The following TNR variants were observed in gnomAD, a reference collection of about 807,000 sequenced individuals.
TNR encodes tenascin-R.
Under a neutral mutation model 150.4 loss-of-function variants are expected in TNR, and 45 were observed. The observed-to-expected ratio is 0.30, with a 90% confidence interval of 0.24 to 0.38. The LOEUF (loss-of-function observed/expected upper bound fraction) is 0.38. Among genes scored for constraint, TNR ranks in the 10% least tolerant of loss-of-function variants. The probability of loss-of-function intolerance (pLI) is 1.00; values close to 1 mark genes in which losing one functional copy is unlikely to be tolerated. For missense variants in TNR, 1,544 were observed against 1,759.1 expected (o/e 0.88, Z 2.19); for synonymous variants, 687 against 678.4 (o/e 1.01, Z -0.20).
chr1:175,567,187 G>A (rs930234977), intron 1 of TNR, among the ~76,000 whole-genome samples: 2 of 152,060 alleles, frequency 1.3e-5, no homozygotes, highest in East Asian at 1.9e-4. Context: ...GTATAATTAC[G>A]TTTAATTTTG....
chr1:175,696,046 A>T (rs911295952), intron 1 of TNR, among the ~76,000 whole-genome samples: 3 of 151,918 alleles, frequency 2.0e-5, no homozygotes, highest in Admixed American at 1.3e-4. Context: ...ATATGTGCAT[A>T]GGAGCAAGTC....
At position 175,330,054 on chromosome 1, in the gene TNR, T is replaced by C. The variant is rs1395634029; in HGVS notation, c.3793+20A>G. On this transcript the variant is annotated intron_variant, in intron 21 of 22. Coordinates refer to ENST00000367674, the MANE Select transcript of TNR (RefSeq NM_003285.3). ...TCCCATGCCCACTGTCCTTGGGGTCTGCTCAGGAGCCATAGGTACCCGCAG... is the reference window on the plus strand; with the variant it reads ...TCCCATGCCCACTGTCCTTGGGGTCCGCTCAGGAGCCATAGGTACCCGCAG... 2.0e-6 allele frequency: 3 copies of C among 1,533,642 alleles called. No individual in the cohort carries two copies. Among genetic ancestry groups the C allele is most frequent in the Non-Finnish European group, 2.7e-6 (3 of 1,128,484 alleles).
intron 1 of TNR, among the ~76,000 whole-genome samples, chr1:175,649,566 A>G (rs1357381361): frequency 6.6e-6 from 1 of 152,110 alleles, no homozygotes; most frequent in Non-Finnish European, 1.5e-5. Context: ...AGAGCCCGGC[A>G]CACAGAATGG....
At chr1:175,533,185 C>T (rs904052613) in intron 1 of TNR, among the ~76,000 whole-genome samples, 8 of 152,172 alleles carry the variant, frequency 5.3e-5, no homozygotes, top group African/African-American at 1.4e-4. Context: ...TCCTACCAGC[C>T]ACAGACTTGG....
intron 2 of TNR, among the ~76,000 whole-genome samples, chr1:175,434,018 A>C (rs1054241275): frequency 6.6e-6 from 1 of 152,114 alleles, no homozygotes; most frequent in Non-Finnish European, 1.5e-5. Context: ...CAGTTGTGTG[A>C]GGCCCCATGA....
intron 5 of TNR, among the ~76,000 whole-genome samples, chr1:175,395,861 AC>A (rs1334590933): frequency 9.2e-5 from 14 of 152,212 alleles, no homozygotes; most frequent in Non-Finnish European, 1.9e-4. Flanking sequence ...AAATATAGGT[AC>A]ACACCCACAG....
intron 2 of TNR, among the ~76,000 whole-genome samples, chr1:175,455,302 C>A (rs1345013394): frequency 6.6e-6 from 1 of 152,178 alleles, no homozygotes; most frequent in Non-Finnish European, 1.5e-5. Flanking sequence ...TATTTTATAC[C>A]ACTAAGTTTT....
In TNR at chr1:175,319,790, T is replaced by C. The variant is rs1648948879; in HGVS notation, c.*3567A>G. The C allele has an allele frequency of 6.6e-6, 1 of 152,214 alleles. No individual in the cohort carries two copies. The highest frequency in any genetic ancestry group is 2.4e-5 in the African/African-American group (1 of 41,448). The allele number at this position is 152,214 out of a possible 1,614,324, so 9.4% of individuals were successfully genotyped here. A position where few individuals can be genotyped will look rare whatever the true frequency, so the allele number is the denominator to read the frequency against. On this transcript the variant is annotated 3_prime_UTR_variant, in exon 23 of 23. Transcript: ENST00000367674. ...TGGCCTTTCTCAACCCCGCTGACGT[T>C]TCACACGGGGTTTCAGGAGGTGACT...
intron 8 of TNR, 95 bp downstream of exon 8, chr1:175,385,937 C>A: frequency 1.4e-6 from 2 of 1,398,838 alleles, no homozygotes; most frequent in Non-Finnish European, 1.9e-6. Context: ...ACACACCTTG[C>A]CTCATTCCTA....
intron 18 of TNR, among the ~76,000 whole-genome samples, chr1:175,350,546 C>T (rs1449521620): frequency 1.7e-4 from 26 of 152,152 alleles, no homozygotes; most frequent in Admixed American, 1.7e-3. Context: ...TATTTTTTCT[C>T]TTCCATACTA....
intron 18 of TNR, among the ~76,000 whole-genome samples, chr1:175,352,841 G>A (rs1433806553): frequency 6.6e-6 from 1 of 152,164 alleles, no homozygotes; most frequent in East Asian, 1.9e-4. Flanking sequence ...GAACCACTGG[G>A]GATATTTTGT....
chr1:175,603,012 T>C (rs1663298798), intron 1 of TNR, among the ~76,000 whole-genome samples: 1 of 152,306 alleles, frequency 6.6e-6, no homozygotes, highest in East Asian at 1.9e-4. Context: ...AATACATACA[T>C]AATAAAATAA....
intron 14 of TNR, 106 bp downstream of exon 14, chr1:175,362,557 C>A: frequency 7.0e-7 from 1 of 1,422,050 alleles, no homozygotes; most frequent in Non-Finnish European, 9.6e-7. Context: ...TGGAGGAGCA[C>A]CCCGAAATGG....
rs564378343 is a variant in TNR, at chr1:175,701,270, C to T, written c.-165+41956G>A. ...CTCTCATGATTCCTGTTCCTGCTCTCCTCTCTTCACCATCGAAATGGATCT... is the reference window on the plus strand; with the variant it reads ...CTCTCATGATTCCTGTTCCTGCTCTTCTCTCTTCACCATCGAAATGGATCT... On this transcript the variant is annotated intron_variant, in intron 1 of 22. Transcript: ENST00000367674. Among the ~76,000 whole-genome samples the T allele has an allele frequency of 4.6e-5, 7 of 152,320 alleles. No individual in the cohort carries two copies. The South Asian group carries it at 1.5e-3, about 32-fold the overall frequency.
intron 2 of TNR, among the ~76,000 whole-genome samples, chr1:175,427,815 C>CT (rs958480077): frequency 4.9e-5 from 7 of 143,770 alleles, no homozygotes; most frequent in African/African-American, 1.6e-4. Flanking sequence ...TCCCTTCCCT[C>CT]TTTTTTCCTT....
chr1:175,403,566 C>T lies in TNR; in HGVS notation c.550G>A (p.Glu184Lys), dbSNP rs1317534633. The T allele has an allele frequency of 1.9e-6, 3 of 1,614,020 alleles. No homozygotes were observed. Among genetic ancestry groups the T allele is most frequent in the Middle Eastern group, 1.6e-4 (1 of 6,084 alleles). Residue 184 changes from glutamate (E) to lysine (K), a missense_variant, in exon 4 of 23, where the codon GAG (glutamate) becomes AAG (lysine). Physicochemically the swap from Glu to Lys is moderately conservative, Grantham distance 56. This residue lies in a region of TNR where 1,254 missense variants were observed against 1,329.4 expected (regional missense o/e 0.94). Coordinates refer to ENST00000367674, the MANE Select transcript of TNR (RefSeq NM_003285.3). ...TCGTTGCAGATGCAGCCACAGGACT[C>T]AAAGCTAAAGTTGCCGTGGCCACTG... ...HCSGHGNFSFESCGCICNEGW... is the reference protein window; with the variant it reads ...HCSGHGNFSFKSCGCICNEGW...
intron 1 of TNR, among the ~76,000 whole-genome samples, chr1:175,590,424 C>T (rs183111336): frequency 3.8e-4 from 58 of 152,166 alleles, no homozygotes; most frequent in African/African-American, 1.3e-3. Flanking sequence ...TTTTGTGTCC[C>T]CACCAAGTGC....
chr1:175,634,671 G>T (rs1664439721), intron 1 of TNR, among the ~76,000 whole-genome samples: 1 of 152,072 alleles, frequency 6.6e-6, no homozygotes, highest in Non-Finnish European at 1.5e-5. Context: ...AATATTCCCT[G>T]TCTCCACCAT....
At chr1:175,362,908 C>T in intron 13 of TNR, 99 bp from the exon 14 acceptor site, 1 of 1,437,520 alleles carries the variant, frequency 7.0e-7, no homozygotes, top group East Asian at 2.3e-5. Flanking sequence ...GGGTGTGGGA[C>T]TCCGCACTCA....
Sources: gnomAD v4.1 joint callset for allele counts (sites outside exome capture counted in the v4.1 genomes callset) on GRCh38, gnomAD v4.1.1 for gene constraint, gnomAD v4.1.1 regional missense constraint, MANE v1.5 for transcripts, NCBI Gene and HGNC (gene_info 2026-07-23, HGNC 2026-07-21) for gene names.